Variants in TPX2 observed in about 807,000 individuals in gnomAD.
TPX2 encodes the protein TPX2 microtubule nucleation factor.
A neutral mutation model predicts 93.6 loss-of-function variants in TPX2; 21 were observed. The observed-to-expected ratio is 0.22, with a 90% CI of 0.16 to 0.32. TPX2 has a LOEUF of 0.32. Ranked by LOEUF, TPX2 falls within the 10% of genes least tolerant of loss-of-function variation. The pLI is 1.00. For missense variants in TPX2, 776 were observed against 871.1 expected (o/e 0.89, Z 1.37); for synonymous variants, 281 against 298.3 (o/e 0.94, Z 0.60).
At chr20:31,790,132 G>T (rs1293530494) in intron 12 of TPX2, among the ~76,000 whole-genome samples, 5 of 152,138 alleles carry the variant, frequency 3.3e-5, no homozygotes, top group African/African-American at 1.2e-4. Context: ...AGATTTTGTT[G>T]TTGTTGCTGT....
intron 4 of TPX2, among the ~76,000 whole-genome samples, chr20:31,764,188 G>A (rs192610832): frequency 1.1e-4 from 17 of 151,122 alleles, no homozygotes; most frequent in African/African-American, 3.9e-4. Context: ...ATATATTTTT[G>A]AGACAGGGTC....
intron 2 of TPX2, among the ~76,000 whole-genome samples, chr20:31,757,060 G>A (rs1033369863): frequency 6.6e-6 from 1 of 152,000 alleles, no homozygotes; most frequent in East Asian, 1.9e-4. Flanking sequence ...TAGAGACAGG[G>A]TCAACTGTTA....
chr20:31,793,934 T>C lies in TPX2; in HGVS notation c.1596T>C (p.Thr532=), dbSNP rs199580233. Residue 532 remains threonine, a synonymous_variant, in exon 14 of 18, where the codon ACT becomes ACC. Transcript: ENST00000300403. ...PFKPQIPEAR[T]VEICPFSFDS... ...AGCCCCAAATCCCAGAGGCAAGAAC[T>C]GTGGAAATATGCCCTTTCTCGTTTG... The C allele has an allele frequency of 2.1e-5, 34 of 1,613,984 alleles. No individual in the cohort carries two copies. Among genetic ancestry groups the C allele is most frequent in the Non-Finnish European group, 2.7e-5 (32 of 1,179,966 alleles).
At chr20:31,794,626 C>A in intron 15 of TPX2, 78 bp downstream of exon 15, 1 of 1,544,974 alleles carries the variant, frequency 6.5e-7, no homozygotes, top group East Asian at 2.3e-5. Context: ...ATACTGAAAT[C>A]ACCTGGGTTA....
At chr20:31,766,007 G>A (rs2061922606) in intron 4 of TPX2, among the ~76,000 whole-genome samples, 1 of 152,100 alleles carries the variant, frequency 6.6e-6, no homozygotes, top group African/African-American at 2.4e-5. Context: ...GCATCCTCAG[G>A]AAACTTTCTT....
intron 6 of TPX2, among the ~76,000 whole-genome samples, chr20:31,771,332 C>T (rs1165517573): frequency 6.6e-6 from 1 of 152,130 alleles, no homozygotes; most frequent in African/African-American, 2.4e-5. Context: ...TTCCAAACCA[C>T]CACTAGATAA....
intron 12 of TPX2, among the ~76,000 whole-genome samples, chr20:31,790,331 G>A (rs1240261422): frequency 6.6e-6 from 1 of 152,158 alleles, no homozygotes; most frequent in Non-Finnish European, 1.5e-5. Context: ...CAATGATTGT[G>A]ATACTGCAAA....
intron 12 of TPX2, among the ~76,000 whole-genome samples, chr20:31,791,727 G>T (rs2062102526): frequency 6.6e-6 from 1 of 152,230 alleles, no homozygotes; most frequent in Non-Finnish European, 1.5e-5. Flanking sequence ...GGCAATAGCT[G>T]AAGTAGGTCT....
At chr20:31,800,158 CCATAGGAAG>C (rs1367897847) in intron 17 of TPX2, among the ~76,000 whole-genome samples, 6 of 152,060 alleles carry the variant, frequency 3.9e-5, no homozygotes, top group Non-Finnish European at 8.8e-5. Flanking sequence ...GTGATTATGC[CCATAGGAAG>C]GTTCCACGGA....
intron 2 of TPX2, among the ~76,000 whole-genome samples, chr20:31,752,761 C>T (rs113420064): frequency 0.011 from 1,738 of 152,054 alleles, 42 homozygotes; most frequent in African/African-American, 0.04. Flanking sequence ...TATAGGTGAC[C>T]GCCACCATGC....
intron 10 of TPX2, among the ~76,000 whole-genome samples, chr20:31,781,955 C>T (rs1478575384): frequency 6.6e-6 from 1 of 151,688 alleles, no homozygotes; most frequent in Non-Finnish European, 1.5e-5. Flanking sequence ...AAAAGAAAGT[C>T]AGTCTAGGCC....
At chr20:31,768,005 C>T (rs2061939485) in intron 5 of TPX2, among the ~76,000 whole-genome samples, 1 of 151,214 alleles carries the variant, frequency 6.6e-6, no homozygotes, top group South Asian at 2.1e-4. Context: ...GATCTTGGCT[C>T]ACTGCAGCCT....
intron 1 of TPX2, among the ~76,000 whole-genome samples, chr20:31,741,456 G>GT (rs1216680314): frequency 6.6e-6 from 1 of 150,980 alleles, no homozygotes; most frequent in African/African-American, 2.4e-5. Context: ...GGATTATAGG[G>GT]ATCTGCCACC....
intron 2 of TPX2, among the ~76,000 whole-genome samples, chr20:31,745,102 C>T (rs914797820): frequency 6.6e-6 from 1 of 152,110 alleles, no homozygotes; most frequent in African/African-American, 2.4e-5. Flanking sequence ...AACAAACAAA[C>T]AAAACATATT....
At chr20:31,740,234 A>G (rs1405392945) in intron 1 of TPX2, among the ~76,000 whole-genome samples, 2 of 152,148 alleles carry the variant, frequency 1.3e-5, no homozygotes, top group Non-Finnish European at 2.9e-5. Flanking sequence ...AATCAGGCCT[A>G]CTTAGGATAG....
At chr20:31,783,970 G>C in intron 12 of TPX2, 49 bp downstream of exon 12, 3 of 1,585,214 alleles carry the variant, frequency 1.9e-6, no homozygotes, top group Non-Finnish European at 2.6e-6. Flanking sequence ...CTCATGACCA[G>C]ATATCCACCC....
intron 2 of TPX2, among the ~76,000 whole-genome samples, chr20:31,746,808 C>T (rs111607154): frequency 1.1e-3 from 161 of 152,324 alleles, no homozygotes; most frequent in Middle Eastern, 3.4e-3. Context: ...AGGTTAATTT[C>T]AGATGAATGT....
At chr20:31,747,128 G>A (rs1434148670) in intron 2 of TPX2, among the ~76,000 whole-genome samples, 1 of 151,508 alleles carries the variant, frequency 6.6e-6, no homozygotes, top group Non-Finnish European at 1.5e-5. Flanking sequence ...ATTTTTTTTT[G>A]TTGTTGTTGT....
chr20:31,740,697 G>T (rs984691947), intron 1 of TPX2, among the ~76,000 whole-genome samples: 4 of 152,184 alleles, frequency 2.6e-5, no homozygotes, highest in African/African-American at 9.7e-5. Context: ...GACACCATCT[G>T]GGTGCTCTAC....
Sources: allele counts gnomAD v4.1 joint callset (sites outside exome capture counted in the v4.1 genomes callset), GRCh38; gene constraint gnomAD v4.1.1; transcripts MANE v1.5; gene names NCBI Gene and HGNC (gene_info 2026-07-23, HGNC 2026-07-21).